Variants in TMEM132D observed in about 807,000 individuals in gnomAD.
TMEM132D encodes transmembrane protein 132D.
A neutral mutation model predicts 62.3 loss-of-function variants in TMEM132D; 21 were observed. The observed-to-expected ratio is 0.34, with a 90% CI of 0.24 to 0.49. TMEM132D has a LOEUF of 0.49. Among genes scored for constraint, TMEM132D ranks in the 20% least tolerant of loss-of-function variants. TMEM132D has a pLI of 0.99. For missense variants in TMEM132D, 1,346 were observed against 1,402.8 expected, an observed-to-expected ratio of 0.96 and a Z score of 0.65; for synonymous variants, 621 against 575.6, an observed-to-expected ratio of 1.08 and a Z score of -1.13.
chr12:129,301,810 C>T (rs1241958111), intron 4 of TMEM132D, among the ~76,000 whole-genome samples: 1 of 152,130 alleles, frequency 6.6e-6, no homozygotes, highest in African/African-American at 2.4e-5. Context: ...ACGCCCAACA[C>T]CAGAACAGAC....
At chr12:129,396,730 C>G (rs1462301512) in intron 3 of TMEM132D, among the ~76,000 whole-genome samples, 1 of 152,170 alleles carries the variant, frequency 6.6e-6, no homozygotes, top group Non-Finnish European at 1.5e-5. Flanking sequence ...TTTCTTAAAG[C>G]ACCTAAACTC....
chr12:129,187,653 G>A (rs1878256117), intron 5 of TMEM132D, among the ~76,000 whole-genome samples: 1 of 152,204 alleles, frequency 6.6e-6, no homozygotes, highest in Non-Finnish European at 1.5e-5. Context: ...CAGTCAGCAG[G>A]ACATCCTATT....
At chr12:129,142,715 G>C (rs1471339439) in intron 5 of TMEM132D, among the ~76,000 whole-genome samples, 2 of 152,094 alleles carry the variant, frequency 1.3e-5, no homozygotes, top group Non-Finnish European at 2.9e-5. Context: ...AGGTAGTCGT[G>C]GGGACTGCTT....
At chr12:129,165,879 CGGGCATGATGCTCTCGAT>C in intron 5 of TMEM132D, among the ~76,000 whole-genome samples, 1 of 152,260 alleles carries the variant, frequency 6.6e-6, no homozygotes, top group Middle Eastern at 3.4e-3. Context: ...GGCATGACCC[CGGGCATGATGCTCTCGAT>C]AAGAATAATA....
chr12:129,199,094 C>A (rs1878622215), intron 5 of TMEM132D, among the ~76,000 whole-genome samples: 2 of 142,822 alleles, frequency 1.4e-5, no homozygotes, highest in South Asian at 4.4e-4. Flanking sequence ...TATAACACGT[C>A]CATCTACCTT....
intron 5 of TMEM132D, among the ~76,000 whole-genome samples, chr12:129,097,416 TTTTC>T (rs1249935830): frequency 6.6e-6 from 1 of 152,228 alleles, no homozygotes; most frequent in African/African-American, 2.4e-5. Context: ...GTATGTTTCT[TTTTC>T]TTTCTTAAAA....
At chr12:129,683,603 G>A (rs1400428485) in intron 2 of TMEM132D, among the ~76,000 whole-genome samples, 2 of 152,200 alleles carry the variant, frequency 1.3e-5, no homozygotes, top group East Asian at 3.9e-4. Context: ...TACAACCTGG[G>A]TGGACATTCC....
At chr12:129,379,996 G>A (rs1027626811) in intron 3 of TMEM132D, among the ~76,000 whole-genome samples, 2 of 152,110 alleles carry the variant, frequency 1.3e-5, no homozygotes, top group Admixed American at 6.5e-5. Flanking sequence ...AGTGACATAC[G>A]TTTTAAGAAG....
chr12:129,406,893 G>C (rs978767024), intron 3 of TMEM132D, among the ~76,000 whole-genome samples: 1 of 152,204 alleles, frequency 6.6e-6, no homozygotes, highest in African/African-American at 2.4e-5. Flanking sequence ...TTTGTCTGCA[G>C]CCTCTTAATT....
intron 3 of TMEM132D, among the ~76,000 whole-genome samples, chr12:129,488,370 T>C (rs1874654596): frequency 6.6e-6 from 1 of 152,180 alleles, no homozygotes; most frequent in Admixed American, 6.5e-5. Context: ...TGTTAACATG[T>C]ACTTTCAATT....
At chr12:129,568,070 G>A in intron 2 of TMEM132D, among the ~76,000 whole-genome samples, 1 of 152,208 alleles carries the variant, frequency 6.6e-6, no homozygotes, top group Admixed American at 6.5e-5. Flanking sequence ...CTGGCATGAG[G>A]TGTCTATTAC....
intron 3 of TMEM132D, among the ~76,000 whole-genome samples, chr12:129,473,524 T>G (rs994856484): frequency 1.3e-5 from 2 of 151,644 alleles, no homozygotes; most frequent in Non-Finnish European, 2.9e-5. Flanking sequence ...AGAGATGGGG[T>G]TTCGCTATAT....
chr12:129,311,643 C>A (rs184255439), intron 4 of TMEM132D, among the ~76,000 whole-genome samples: 1 of 152,076 alleles, frequency 6.6e-6, no homozygotes, highest in East Asian at 1.9e-4. Flanking sequence ...AGCCACATGA[C>A]GGGAAATACA....
At chr12:129,894,915 A>G (rs61940265) in intron 1 of TMEM132D, among the ~76,000 whole-genome samples, 2,647 of 152,254 alleles carry the variant, frequency 0.017, 91 homozygotes, top group Admixed American at 0.088. Context: ...TTTGTCTCAC[A>G]TGTTAGATTG....
intron 2 of TMEM132D, among the ~76,000 whole-genome samples, chr12:129,654,358 G>C (rs908151017): frequency 3.4e-5 from 5 of 148,832 alleles, no homozygotes; most frequent in African/African-American, 1.2e-4. Context: ...GATGCTCCTG[G>C]TCTAAGAAAC....
At chr12:129,587,152 A>G (rs902557405) in intron 2 of TMEM132D, among the ~76,000 whole-genome samples, 2 of 152,188 alleles carry the variant, frequency 1.3e-5, no homozygotes, top group Non-Finnish European at 2.9e-5. Context: ...ATGCCCATCA[A>G]TGATAGATGG....
chr12:129,636,744 G>C (rs1565931360), intron 2 of TMEM132D, among the ~76,000 whole-genome samples: 2 of 150,836 alleles, frequency 1.3e-5, no homozygotes, highest in Non-Finnish European at 3.0e-5. Context: ...GTGTGAGAGA[G>C]AGAGAGAGAG....
intron 5 of TMEM132D, among the ~76,000 whole-genome samples, chr12:129,202,759 C>T (rs1244404483): frequency 1.3e-5 from 2 of 152,104 alleles, no homozygotes; most frequent in African/African-American, 2.4e-5. Flanking sequence ...TCATGCCATT[C>T]CCTCTGTCAG....
At chr12:129,681,100 G>A (rs1263503760) in intron 2 of TMEM132D, among the ~76,000 whole-genome samples, 1 of 152,210 alleles carries the variant, frequency 6.6e-6, no homozygotes, top group Non-Finnish European at 1.5e-5. Context: ...TCAGTGAAAA[G>A]CACAGCACAG....
Sources: gnomAD v4.1 joint callset for allele counts (sites outside exome capture counted in the v4.1 genomes callset) on GRCh38, gnomAD v4.1.1 for gene constraint, MANE v1.5 for transcripts, NCBI Gene and HGNC (gene_info 2026-07-23, HGNC 2026-07-21) for gene names.